DYNC1I2: variants seen among roughly 807,000 people sequenced by gnomAD.
DYNC1I2 encodes dynein cytoplasmic 1 intermediate chain 2, also known as cytoplasmic dynein 1 intermediate chain 2.
A neutral mutation model predicts 88.6 loss-of-function variants in DYNC1I2; 53 were observed. The ratio of observed to expected loss-of-function variants is 0.60; its 90% CI spans 0.48 to 0.75. DYNC1I2 has a LOEUF of 0.75. Among genes scored for constraint, DYNC1I2 ranks in the 30% least tolerant of loss-of-function variants. DYNC1I2 has a pLI of 0.00. For missense variants in DYNC1I2, 458 were observed against 766.6 expected (o/e 0.60, Z 4.75); for synonymous variants, 198 against 254.6 (o/e 0.78, Z 2.12).
Position 171,704,940 on chromosome 2 carries a change from ATTAT to A in DYNC1I2, c.227-1601_227-1598del, listed in dbSNP as rs569603056. On this transcript the variant is annotated intron_variant, in intron 3 of 17. Transcript: ENST00000397119. ...TAGGATTGTCCCTTCTGTGGTATAC[ATTAT>A]TTATTATTGCAAAATGTAGCTGTGG... Among the ~76,000 whole-genome samples the A allele has an allele frequency of 1.5e-3, 223 of 152,198 alleles. 1 individual carries two copies. The highest frequency in any genetic ancestry group is 2.1e-3 in the Non-Finnish European group (145 of 67,982).
intron 3 of DYNC1I2, among the ~76,000 whole-genome samples, chr2:171,697,913 T>A (rs558544482): frequency 6.6e-6 from 1 of 152,256 alleles, no homozygotes; most frequent in East Asian, 1.9e-4. Flanking sequence ...AGGCTGAACT[T>A]TTTTGGCAAG....
chr2:171,720,301 GAT>G (rs1249216960), intron 7 of DYNC1I2, among the ~76,000 whole-genome samples: 4 of 152,164 alleles, frequency 2.6e-5, no homozygotes, highest in African/African-American at 9.7e-5. Flanking sequence ...TTAGTAGCCA[GAT>G]ATGTTTTCTT....
chr2:171,719,344 A>C (rs904186612), intron 7 of DYNC1I2, among the ~76,000 whole-genome samples: 1 of 152,192 alleles, frequency 6.6e-6, no homozygotes, highest in Non-Finnish European at 1.5e-5. Context: ...TTCTTTTCCC[A>C]AAGTGTATAA....
chr2:171,711,762 C>G (rs1247059567), intron 5 of DYNC1I2, among the ~76,000 whole-genome samples: 2 of 152,002 alleles, frequency 1.3e-5, no homozygotes, highest in African/African-American at 4.8e-5. Context: ...GTAGAGAAAC[C>G]ATTTGTTGTA....
chr2:171,725,671 G>T lies in DYNC1I2; in HGVS notation c.565G>T (p.Glu189Ter), dbSNP rs1199981213. Residue 189 changes from glutamate to a stop codon, truncating the protein, a stop_gained, in exon 8 of 18, where the codon GAA (glutamate) becomes TAA (stop). Coordinates refer to ENST00000397119, the MANE Select transcript of DYNC1I2 (RefSeq NM_001378.3). LOFTEE classifies it high-confidence loss of function. ...TCCTAAACCACCTATTGAACCTGAAGAAGAGAAAACTTTAAAGAAAGATGA... is the reference window on the plus strand; with the variant it reads ...TCCTAAACCACCTATTGAACCTGAATAAGAGAAAACTTTAAAGAAAGATGA... ...VAPKPPIEPE[E>*]EKTLKKDEEN... The T allele has an allele frequency of 2.5e-6, 4 of 1,572,078 alleles. No individual in the cohort carries two copies. The highest frequency in any genetic ancestry group is 3.4e-6 in the Non-Finnish European group (4 of 1,163,530).
At chr2:171,689,247 C>A (rs979976611) in intron 1 of DYNC1I2, among the ~76,000 whole-genome samples, 2 of 152,082 alleles carry the variant, frequency 1.3e-5, no homozygotes, top group Non-Finnish European at 2.9e-5. Flanking sequence ...CAGGTATGTC[C>A]ACAAATAATT....
Position 171,707,367 on chromosome 2 carries a change from G to T in DYNC1I2, c.325G>T (p.Val109Leu). The T allele has an allele frequency of 6.2e-7, 1 of 1,612,714 alleles. No homozygotes were observed. Among genetic ancestry groups the T allele is most frequent in the Non-Finnish European group, 8.5e-7 (1 of 1,179,466 alleles). The change falls in exon 5 of 18, where the codon GTG (valine) becomes TTG (leucine). Residue 109 changes from valine (V) to leucine (L), a missense_variant. Coordinates refer to ENST00000397119, the MANE Select transcript of DYNC1I2 (RefSeq NM_001378.3). ...AGSQDSGDGAVGSRTLHWDTD... is the reference protein window; with the variant it reads ...AGSQDSGDGALGSRTLHWDTD... ...AAGCCAAGACTCTGGAGATGGCGCC[G>T]TGGGATCTAGGTACAGTAATTTTCC...
intron 3 of DYNC1I2, among the ~76,000 whole-genome samples, chr2:171,705,114 T>C (rs1231920535): frequency 7.1e-6 from 1 of 140,572 alleles, no homozygotes; most frequent in African/African-American, 2.5e-5. Flanking sequence ...TGGCTTTGGC[T>C]AAGAAACTGT....
At chr2:171,739,855 G>A (rs943810955) in intron 15 of DYNC1I2, among the ~76,000 whole-genome samples, 22 of 151,720 alleles carry the variant, frequency 1.5e-4, no homozygotes, top group African/African-American at 3.6e-4. Flanking sequence ...ACAGGCGCCC[G>A]CCACCATGCC....
rs754337622 is a variant in DYNC1I2 at position 171,744,089 on chromosome 2, A to G, written c.1577A>G (p.Tyr526Cys). Reference sequence around the variant, plus strand: ...TATTCATTTGAAGATAATGCAGACTATGTTTATGATGTTATGTGGTCACCT... The same window carrying G: ...TATTCATTTGAAGATAATGCAGACTGTGTTTATGATGTTATGTGGTCACCT... ...PLYSFEDNADYVYDVMWSPTH... is the reference protein window; with the variant it reads ...PLYSFEDNADCVYDVMWSPTH... The change falls in exon 16 of 18, where the codon TAT (tyrosine) becomes TGT (cysteine). Residue 526 changes from tyrosine (Y) to cysteine (C), a missense_variant. Coordinates refer to ENST00000397119, the MANE Select transcript of DYNC1I2 (RefSeq NM_001378.3). 6.2e-7 allele frequency: 1 copy of G among 1,612,712 alleles called. No individual in the cohort carries two copies. The highest frequency in any genetic ancestry group is 8.5e-7 in the Non-Finnish European group (1 of 1,179,572).
intron 5 of DYNC1I2, among the ~76,000 whole-genome samples, chr2:171,708,187 G>A (rs1686832768): frequency 6.6e-6 from 1 of 151,940 alleles, no homozygotes; most frequent in African/African-American, 2.4e-5. Context: ...CTTATTTTGG[G>A]CCAGGAAGTT....
At chr2:171,724,761 T>G (rs1688124609) in intron 7 of DYNC1I2, among the ~76,000 whole-genome samples, 1 of 152,170 alleles carries the variant, frequency 6.6e-6, no homozygotes, top group African/African-American at 2.4e-5. Flanking sequence ...GCAATAAAAA[T>G]AAACATTTTC....
chr2:171,696,834 A>G (rs1378014511), intron 3 of DYNC1I2, among the ~76,000 whole-genome samples: 1 of 152,134 alleles, frequency 6.6e-6, no homozygotes, highest in Non-Finnish European at 1.5e-5. Context: ...TTTGTATTAT[A>G]TTCTAATTTC....
chr2:171,717,728 T>C (rs1044162190), intron 7 of DYNC1I2, among the ~76,000 whole-genome samples: 9 of 152,296 alleles, frequency 5.9e-5, no homozygotes, highest in African/African-American at 1.2e-4. Context: ...TTAGTAGATA[T>C]GTTAACTCAG....
At chr2:171,721,219 C>T (rs1687883138) in intron 7 of DYNC1I2, among the ~76,000 whole-genome samples, 1 of 151,724 alleles carries the variant, frequency 6.6e-6, no homozygotes, top group Non-Finnish European at 1.5e-5. Flanking sequence ...CTTATTTTCC[C>T]CCCAAGTTAG....
At chr2:171,698,351 A>G (rs932248166) in intron 3 of DYNC1I2, among the ~76,000 whole-genome samples, 3 of 152,178 alleles carry the variant, frequency 2.0e-5, no homozygotes, top group African/African-American at 4.8e-5. Context: ...AGTCACCTCT[A>G]GGCATGGCAG....
chr2:171,739,958 A>T (rs1689304339), intron 15 of DYNC1I2, among the ~76,000 whole-genome samples: 1 of 152,048 alleles, frequency 6.6e-6, no homozygotes, highest in African/African-American at 2.4e-5. Context: ...CGCCTGCCTC[A>T]GCCCTCCTCG....
At chr2:171,704,969 G>C (rs1349688255) in intron 3 of DYNC1I2, among the ~76,000 whole-genome samples, 1 of 151,950 alleles carries the variant, frequency 6.6e-6, no homozygotes, top group Non-Finnish European at 1.5e-5. Flanking sequence ...TGTAGCTGTG[G>C]CTCAGATAAT....
At position 171,744,035 on chromosome 2, in the gene DYNC1I2, CTT is replaced by C; in HGVS notation, c.1537-11_1537-10del. On this transcript the variant is annotated splice_polypyrimidine_tract_variant and intron_variant, in intron 15 of 17. Coordinates refer to ENST00000397119, the MANE Select transcript of DYNC1I2 (RefSeq NM_001378.3). ...ATATATGGACTGTGCTAAGAATCAA[CTT>C]TTCTCTTTCAGAATAACAAGCCTTT... 1.9e-6 allele frequency: 3 copies of C among 1,602,988 alleles called. No individual in the cohort carries two copies. Among genetic ancestry groups the C allele is most frequent in the Admixed American group, 1.7e-5 (1 of 58,252 alleles).
Sources: allele counts gnomAD v4.1 joint callset (sites outside exome capture counted in the v4.1 genomes callset), GRCh38; gene constraint gnomAD v4.1.1; transcripts MANE v1.5; gene names NCBI Gene and HGNC (gene_info 2026-07-23, HGNC 2026-07-21).